The following WWOX variants were observed in gnomAD, a reference collection of about 807,000 sequenced individuals.
WWOX encodes WW domain-containing oxidoreductase.
WWOX carries 69 observed loss-of-function variants against 46.2 expected under a neutral mutation model. The observed-to-expected ratio is 1.49, with a 90% CI of 1.23 to 1.82. The LOEUF (loss-of-function observed/expected upper bound fraction) is 1.82. WWOX is among the 40% of genes most tolerant of loss of function. The pLI is 0.00. For synonymous variants in WWOX, 359 were observed against 202.6 expected (o/e 1.77, Z -6.56); for missense variants, 919 against 542.6 (o/e 1.69, Z -6.89).
At chr16:78,436,118 A>G (rs1013792014) in intron 8 of WWOX, among the ~76,000 whole-genome samples, 16 of 152,188 alleles carry the variant, frequency 1.1e-4, no homozygotes, top group African/African-American at 3.6e-4. Context: ...CATGGGAGGT[A>G]TGCAGTACTT....
At chr16:79,059,998 C>A (rs991076776) in intron 8 of WWOX, among the ~76,000 whole-genome samples, 1 of 152,112 alleles carries the variant, frequency 6.6e-6, no homozygotes, top group South Asian at 2.1e-4. Flanking sequence ...TGAATAGATT[C>A]CATTTTATTT....
chr16:79,084,320 A>G (rs1180074893), intron 8 of WWOX, among the ~76,000 whole-genome samples: 3 of 152,248 alleles, frequency 2.0e-5, no homozygotes, highest in African/African-American at 4.8e-5. Context: ...GTAAAGATCA[A>G]TAAATCACAC....
chr16:78,673,512 C>T (rs539687334), intron 8 of WWOX, among the ~76,000 whole-genome samples: 3 of 152,306 alleles, frequency 2.0e-5, no homozygotes, highest in Non-Finnish European at 4.4e-5. Flanking sequence ...CTAGTTACAT[C>T]CCCAAGCCTT....
Position 78,174,451 on chromosome 16 carries a change from G to C in WWOX, c.516+10162G>C, listed in dbSNP as rs180946638. On this transcript the variant is annotated intron_variant, in intron 5 of 8. Transcript: ENST00000566780. ...GAGATATAATTCAAGTTGAGATTTC[G>C]GTGGGGCGCAGCCAAACCATATCAG... is the stretch of plus-strand genomic sequence containing the variant. Among the ~76,000 whole-genome samples, 166 of 152,256 alleles carry C rather than the reference G, an allele frequency of 1.1e-3. 1 individual carries two copies. Among genetic ancestry groups the C allele is most frequent in the African/African-American group, 3.4e-3 (142 of 41,556 alleles).
chr16:78,753,444 C>T (rs975590802), intron 8 of WWOX, among the ~76,000 whole-genome samples: 3 of 152,126 alleles, frequency 2.0e-5, no homozygotes, highest in South Asian at 2.1e-4. Flanking sequence ...TCTTAAGATA[C>T]TTCTCAGTTT....
In WWOX at chr16:78,432,477, C is replaced by G; in HGVS notation, c.792-11C>G. ...ACTTGGTTGCTTCATGTCATATTTC[C>G]TATTTTTAAGATTTACAGATATTAA... On this transcript the variant is annotated splice_polypyrimidine_tract_variant and intron_variant, in intron 7 of 8. Coordinates refer to ENST00000566780, the MANE Select transcript of WWOX (RefSeq NM_016373.4). 1 of 1,610,968 alleles carries G rather than the reference C, an allele frequency of 6.2e-7. No individual in the cohort carries two copies. The highest frequency in any genetic ancestry group is 1.1e-5 in the South Asian group (1 of 90,948).
intron 8 of WWOX, among the ~76,000 whole-genome samples, chr16:79,168,702 A>T (rs1198198352): frequency 6.6e-6 from 1 of 152,086 alleles, no homozygotes; most frequent in Non-Finnish European, 1.5e-5. Context: ...GAAGCCCCTC[A>T]GGGAAGAGGA....
chr16:78,803,178 G>A (rs923369581), intron 8 of WWOX, among the ~76,000 whole-genome samples: 7 of 151,214 alleles, frequency 4.6e-5, no homozygotes, highest in African/African-American at 1.7e-4. Flanking sequence ...CAACAAGTCA[G>A]TTCTTAACAC....
chr16:78,892,260 G>C (rs926804248), intron 8 of WWOX: 2 of 152,094 alleles, frequency 1.3e-5, no homozygotes, highest in Admixed American at 1.3e-4. Flanking sequence ...AATCTCAAGA[G>C]GCAAGAGGTA....
At position 78,215,616 on chromosome 16, in the gene WWOX, T is replaced by C. The variant is rs538608525; in HGVS notation, c.516+51327T>C. On this transcript the variant is annotated intron_variant, in intron 5 of 8. Coordinates refer to ENST00000566780, the MANE Select transcript of WWOX (RefSeq NM_016373.4). ...ACATTACCCAGTCTCGGGTAGTATCTTCATAGCAGTGCAAAAACGGACTAA... is the reference window on the plus strand; with the variant it reads ...ACATTACCCAGTCTCGGGTAGTATCCTCATAGCAGTGCAAAAACGGACTAA... Among the ~76,000 whole-genome samples the C allele has an allele frequency of 1.6e-4, 24 of 152,284 alleles. 1 individual carries two copies. In the South Asian group the frequency reaches 5.0e-3, roughly 32 times the overall value.
chr16:78,980,452 C>G (rs1200310401), intron 8 of WWOX, among the ~76,000 whole-genome samples: 2 of 152,246 alleles, frequency 1.3e-5, no homozygotes, highest in African/African-American at 2.4e-5. Flanking sequence ...ACATCACAGT[C>G]AAACCTCAAT....
intron 8 of WWOX, among the ~76,000 whole-genome samples, chr16:78,886,750 A>G (rs539370876): frequency 9.2e-5 from 14 of 152,092 alleles, no homozygotes; most frequent in Admixed American, 4.6e-4. Flanking sequence ...AGAGGCAGCT[A>G]TAATTAAAGC....
intron 8 of WWOX, among the ~76,000 whole-genome samples, chr16:78,829,797 T>C (rs996611803): frequency 6.6e-6 from 1 of 152,136 alleles, no homozygotes; most frequent in Non-Finnish European, 1.5e-5. Flanking sequence ...GTAGCCAAAA[T>C]TGGAACTCCT....
At chr16:78,433,031 G>C (rs189443319) in intron 8 of WWOX, among the ~76,000 whole-genome samples, 1 of 152,074 alleles carries the variant, frequency 6.6e-6, no homozygotes, top group Non-Finnish European at 1.5e-5. Flanking sequence ...TGTTTGTTTG[G>C]TTTTGTTTTT....
At chr16:78,436,896 A>G (rs1264093517) in intron 8 of WWOX, among the ~76,000 whole-genome samples, 2 of 152,224 alleles carry the variant, frequency 1.3e-5, no homozygotes, top group Non-Finnish European at 2.9e-5. Flanking sequence ...TGCTATTTGA[A>G]TGCAGACATA....
intron 8 of WWOX, among the ~76,000 whole-genome samples, chr16:78,878,629 A>G (rs756324804): frequency 1.2e-4 from 18 of 152,198 alleles, no homozygotes; most frequent in Non-Finnish European, 2.5e-4. Flanking sequence ...AGAACCTAGC[A>G]CACTGTTTGG....
chr16:78,923,766 G>A (rs1393145099), intron 8 of WWOX, among the ~76,000 whole-genome samples: 4 of 146,252 alleles, frequency 2.7e-5, no homozygotes, highest in South Asian at 4.4e-4. Context: ...GATGATCTGG[G>A]TTGATTGCTA....
chr16:78,387,385 C>T (rs551191259), intron 6 of WWOX, among the ~76,000 whole-genome samples: 5 of 152,054 alleles, frequency 3.3e-5, no homozygotes, highest in Admixed American at 6.6e-5. Flanking sequence ...CTAAAGCCTT[C>T]GATGATTTGA....
chr16:78,234,978 T>A (rs2037388963), intron 5 of WWOX, among the ~76,000 whole-genome samples: 1 of 152,018 alleles, frequency 6.6e-6, no homozygotes, highest in Non-Finnish European at 1.5e-5. Flanking sequence ...TGGGTGGTCT[T>A]GAAAACTTAA....
Sources: allele counts gnomAD v4.1 joint callset (sites outside exome capture counted in the v4.1 genomes callset), GRCh38; gene constraint gnomAD v4.1.1; transcripts MANE v1.5; gene names NCBI Gene and HGNC (gene_info 2026-07-23, HGNC 2026-07-21).